The following YEATS2 variants were observed in gnomAD, a reference collection of about 807,000 sequenced individuals.
YEATS2 encodes the protein YEATS domain containing 2.
YEATS2 carries 77 observed loss-of-function variants against 163.2 expected under a neutral mutation model. The ratio of observed to expected loss-of-function variants is 0.47; its 90% CI spans 0.39 to 0.57. YEATS2 has a LOEUF of 0.57. Among genes scored for constraint, YEATS2 ranks in the 20% least tolerant of loss-of-function variants. The pLI is 0.00. For missense variants in YEATS2, 1,549 were observed against 1,729.8 expected (o/e 0.90, Z 1.85); for synonymous variants, 631 against 645.1 (o/e 0.98, Z 0.33).
chr3:183,747,084 C>T (rs191819391), intron 8 of YEATS2, among the ~76,000 whole-genome samples: 1 of 152,144 alleles, frequency 6.6e-6, no homozygotes, highest in East Asian at 1.9e-4. Context: ...AGTTTGTGTT[C>T]CTCTCTCAAA....
chr3:183,728,891 G>T, intron 7 of YEATS2, 40 bp downstream of exon 7: 1 of 1,555,750 alleles, frequency 6.4e-7, no homozygotes, highest in South Asian at 1.2e-5. Context: ...TTGAAATGCA[G>T]ACTTATTTTT....
chr3:183,759,497 A>G (rs1213082827), intron 13 of YEATS2, among the ~76,000 whole-genome samples: 2 of 152,206 alleles, frequency 1.3e-5, no homozygotes, highest in African/African-American at 4.8e-5. Flanking sequence ...TCTCTCTCGC[A>G]ACAGAGAGCT....
chr3:183,721,553 T>C (rs1716493671), intron 4 of YEATS2, among the ~76,000 whole-genome samples: 1 of 152,244 alleles, frequency 6.6e-6, no homozygotes, highest in Non-Finnish European at 1.5e-5. Context: ...GGATATTTTA[T>C]TTAGAGCAGT....
At chr3:183,704,326 C>A (rs1301970881) in intron 1 of YEATS2, among the ~76,000 whole-genome samples, 5 of 151,984 alleles carry the variant, frequency 3.3e-5, no homozygotes, top group Non-Finnish European at 7.4e-5. Flanking sequence ...GCTTTTAATA[C>A]CCTGCTGGAT....
intron 12 of YEATS2, among the ~76,000 whole-genome samples, chr3:183,757,866 C>A (rs903740005): frequency 1.3e-5 from 2 of 150,768 alleles, no homozygotes; most frequent in Non-Finnish European, 2.9e-5. Context: ...CAGTACCTTT[C>A]GAACATACTT....
chr3:183,808,187 AC>A, intron 29 of YEATS2, 83 bp downstream of exon 29: 1 of 1,098,058 alleles, frequency 9.1e-7, no homozygotes. Context: ...CAGAAAAGGA[AC>A]AAAGATAACA....
intron 15 of YEATS2, among the ~76,000 whole-genome samples, chr3:183,768,448 C>G (rs895721290): frequency 2.6e-5 from 4 of 152,226 alleles, no homozygotes; most frequent in Non-Finnish European, 5.9e-5. Context: ...ACTGGGGGCT[C>G]TGTTACTATG....
At chr3:183,744,939 C>T (rs1466884628) in intron 8 of YEATS2, among the ~76,000 whole-genome samples, 3 of 152,138 alleles carry the variant, frequency 2.0e-5, no homozygotes, top group East Asian at 1.9e-4. Flanking sequence ...CAACCTCTAC[C>T]TTCTGGGCTT....
chr3:183,777,596 A>C lies in YEATS2; in HGVS notation c.2632A>C (p.Thr878Pro). 6.2e-7 allele frequency: 1 copy of C among 1,614,132 alleles called. No homozygotes were observed. Among genetic ancestry groups the C allele is most frequent in the East Asian group, 2.2e-5 (1 of 44,870 alleles). ...CCAGACTTCTGGAAAACAACTCACC[A>C]CTGGGTCAGTGGTCCAAGGAACACT... ...SPQTSGKQLT[T>P]GSVVQGTLGV... is the part of the protein sequence containing the mutation. The change falls in exon 19 of 31, where the codon ACT becomes CCT. Residue 878 changes from threonine (T) to proline (P), a missense_variant. By Grantham distance (38) the Thr-to-Pro change is conservative. Transcript: ENST00000305135.
intron 15 of YEATS2, among the ~76,000 whole-genome samples, chr3:183,764,095 G>A (rs1223322155): frequency 3.3e-5 from 5 of 151,966 alleles, no homozygotes; most frequent in Non-Finnish European, 5.9e-5. Flanking sequence ...ACAATGGCTG[G>A]GCACGGTGGC....
chr3:183,806,740 G>C (rs1726245373), intron 27 of YEATS2, 126 bp from the exon 28 acceptor site: 1 of 882,398 alleles, frequency 1.1e-6, no homozygotes, highest in Non-Finnish European at 1.7e-6. Context: ...TAGAATGTTA[G>C]AACTGGAAAG....
At chr3:183,791,061 TCTCA>T (rs1157420193) in intron 21 of YEATS2, 81 bp downstream of exon 21, 1 of 1,534,358 alleles carries the variant, frequency 6.5e-7, no homozygotes, top group Non-Finnish European at 8.8e-7. Context: ...TGAGATAGCG[TCTCA>T]CTCTGTCGCC....
intron 15 of YEATS2, among the ~76,000 whole-genome samples, chr3:183,765,739 G>A (rs1721839516): frequency 6.6e-6 from 1 of 152,110 alleles, no homozygotes; most frequent in East Asian, 1.9e-4. Flanking sequence ...CTGAGGTCAG[G>A]AGTTCGAGAC....
chr3:183,771,131 C>A (rs1159435488), intron 15 of YEATS2, among the ~76,000 whole-genome samples: 1 of 152,206 alleles, frequency 6.6e-6, no homozygotes, highest in Non-Finnish European at 1.5e-5. Context: ...CCAAATTTAT[C>A]TTCCTACCAA....
chr3:183,775,778 C>G, intron 17 of YEATS2, 137 bp from the exon 18 acceptor site: 1 of 1,339,708 alleles, frequency 7.5e-7, no homozygotes, highest in Non-Finnish European at 1.0e-6. Flanking sequence ...AGGTAGATTA[C>G]AGAAAAGACG....
At chr3:183,738,224 T>TAGTA (rs559033329) in intron 8 of YEATS2, among the ~76,000 whole-genome samples, 7 of 151,178 alleles carry the variant, frequency 4.6e-5, no homozygotes, top group Non-Finnish European at 1.0e-4. Context: ...AATAACCTTA[T>TAGTA]AATAGTTTCC....
chr3:183,755,741 C>CTTTTTTTT lies in YEATS2; in HGVS notation c.1391-765_1391-758dup, dbSNP rs57050296. Among the ~76,000 whole-genome samples, 559 of 82,086 alleles carry CTTTTTTTT rather than the reference C, an allele frequency of 6.8e-3. 45 individuals carry two copies. The highest frequency in any genetic ancestry group is 8.4e-3 in the East Asian group (25 of 2,986). The allele number at this position is 82,086 out of a possible 152,430, so 53.9% of individuals were successfully genotyped here. ...ACTTACTGATTTTCTTCCTTCCTTT[C>CTTTTTTTT]TTTTTTTTTTTTTTTTTTTTTTTTT... On this transcript the variant is annotated intron_variant, in intron 11 of 30. Transcript: ENST00000305135.
chr3:183,802,043 A>G (rs917568441), intron 25 of YEATS2: 1 of 153,948 alleles, frequency 6.5e-6, no homozygotes, highest in Admixed American at 6.5e-5. Context: ...CTCTAAGACC[A>G]TTCATCTTTC....
intron 8 of YEATS2, among the ~76,000 whole-genome samples, chr3:183,737,760 A>C (rs890194468): frequency 6.6e-6 from 1 of 152,212 alleles, no homozygotes; most frequent in African/African-American, 2.4e-5. Context: ...TATCTTATGA[A>C]GTGTTGTCTT....
Sources: allele counts gnomAD v4.1 joint callset (sites outside exome capture counted in the v4.1 genomes callset), GRCh38; gene constraint gnomAD v4.1.1; transcripts MANE v1.5; gene names NCBI Gene and HGNC (gene_info 2026-07-23, HGNC 2026-07-21).